The following GRID2 variants were observed in gnomAD, a reference collection of about 807,000 sequenced individuals.
GRID2 encodes glutamate ionotropic receptor delta type subunit 2, also known as glutamate receptor ionotropic, delta-2.
In GRID2, 33 loss-of-function variants were observed where a neutral mutation model predicts 114.8. That is an observed-to-expected ratio of 0.29 (90% CI 0.22 to 0.38). GRID2 has a LOEUF of 0.38. Ranked by LOEUF, GRID2 falls within the 10% of genes least tolerant of loss-of-function variation. The probability of loss-of-function intolerance (pLI) is 1.00; values close to 1 mark genes in which losing one functional copy is unlikely to be tolerated. For missense variants in GRID2, 1,184 were observed against 1,257.7 expected (o/e 0.94, Z 0.89); for synonymous variants, 505 against 449.9 (o/e 1.12, Z -1.55).
chr4:92,771,581 G>T (rs1738549245), intron 2 of GRID2, among the ~76,000 whole-genome samples: 1 of 152,010 alleles, frequency 6.6e-6, no homozygotes, highest in Non-Finnish European at 1.5e-5. Flanking sequence ...CCTTTCAAAT[G>T]GTCTAAGATG....
chr4:93,591,285 A>G (rs1738267591), intron 13 of GRID2, among the ~76,000 whole-genome samples: 1 of 151,850 alleles, frequency 6.6e-6, no homozygotes, highest in South Asian at 2.1e-4. Flanking sequence ...AATTTTGTCA[A>G]AGGCCTTTTC....
At chr4:93,368,855 G>T (rs1231544469) in intron 8 of GRID2, among the ~76,000 whole-genome samples, 1 of 152,142 alleles carries the variant, frequency 6.6e-6, no homozygotes, top group African/African-American at 2.4e-5. Context: ...TTACGAAGTC[G>T]TAGTGAGTTG....
At chr4:93,139,170 A>G (rs1213438361) in intron 4 of GRID2, among the ~76,000 whole-genome samples, 1 of 152,178 alleles carries the variant, frequency 6.6e-6, no homozygotes, top group Non-Finnish European at 1.5e-5. Context: ...TGTTAATGCA[A>G]TTATCTAGGT....
intron 4 of GRID2, among the ~76,000 whole-genome samples, chr4:93,185,635 G>A (rs913653535): frequency 3.3e-5 from 5 of 152,040 alleles, no homozygotes; most frequent in African/African-American, 1.2e-4. Flanking sequence ...ACACTTCAAT[G>A]TAATTTTTAA....
rs892552435 is a variant in GRID2, at chr4:93,773,012, C to T, written c.*514C>T. Reference sequence around the variant, plus strand: ...AGTGTTTATAAAACAATTTTAAGACCATTCAGGCCACATAAGATGAGAATG... The same window carrying T: ...AGTGTTTATAAAACAATTTTAAGACTATTCAGGCCACATAAGATGAGAATG... On this transcript the variant is annotated 3_prime_UTR_variant, in exon 16 of 16. Coordinates refer to ENST00000282020, the MANE Select transcript of GRID2 (RefSeq NM_001510.4). 4 of 152,326 alleles carry T rather than the reference C, an allele frequency of 2.6e-5. No homozygotes were observed. Among genetic ancestry groups the T allele is most frequent in the Non-Finnish European group, 5.9e-5 (4 of 68,228 alleles). 9.4% of individuals were successfully genotyped at this position (152,326 alleles called of 1,614,324 possible). A position where few individuals can be genotyped will look rare whatever the true frequency, so the allele number is the denominator to read the frequency against.
intron 13 of GRID2, among the ~76,000 whole-genome samples, chr4:93,596,243 A>G (rs2149629076): frequency 6.6e-6 from 1 of 152,372 alleles, no homozygotes; most frequent in East Asian, 1.9e-4. Context: ...GGCTATCGCT[A>G]ATAATATTTC....
At chr4:92,956,389 C>T (rs1407037322) in intron 2 of GRID2, among the ~76,000 whole-genome samples, 1 of 152,146 alleles carries the variant, frequency 6.6e-6, no homozygotes. Context: ...CCTTATGTAT[C>T]CCTCCCTATC....
At chr4:93,012,980 T>A (rs1722338761) in intron 2 of GRID2, among the ~76,000 whole-genome samples, 2 of 152,152 alleles carry the variant, frequency 1.3e-5, no homozygotes, top group Admixed American at 1.3e-4. Context: ...CCTTTAATAT[T>A]TAATATACTG....
At position 92,897,486 on chromosome 4, in the gene GRID2, C is replaced by T. The variant is rs1291813398; in HGVS notation, c.245-187509C>T. Among the ~76,000 whole-genome samples, 3 of 151,976 alleles carry T rather than the reference C, an allele frequency of 2.0e-5. No individual in the cohort carries two copies. In the East Asian group the frequency reaches 5.8e-4, roughly 30 times the overall value. On this transcript the variant is annotated intron_variant, in intron 2 of 15. Coordinates refer to ENST00000282020, the MANE Select transcript of GRID2 (RefSeq NM_001510.4). ...TTCATTTTTAAGTCAACATCTATTT[C>T]CCTTTTTTGTCACTCTACTTTCTTT...
chr4:93,302,536 T>C (rs1754985020), intron 8 of GRID2: 1 of 454,788 alleles, frequency 2.2e-6, no homozygotes, highest in Middle Eastern at 3.3e-4. Flanking sequence ...TTAATTTGTG[T>C]AATACACATA....
chr4:93,172,039 A>G (rs755867948), intron 4 of GRID2, among the ~76,000 whole-genome samples: 11 of 152,236 alleles, frequency 7.2e-5, no homozygotes, highest in South Asian at 2.1e-4. Flanking sequence ...TATCTATTTA[A>G]TAACAGAAAT....
chr4:92,764,275 A>G (rs1358212127), intron 2 of GRID2, among the ~76,000 whole-genome samples: 1 of 152,174 alleles, frequency 6.6e-6, no homozygotes, highest in African/African-American at 2.4e-5. Context: ...AAAGAAAAAA[A>G]AAGTCAAAGA....
At chr4:93,130,256 A>G (rs1734677240) in intron 4 of GRID2, among the ~76,000 whole-genome samples, 1 of 152,150 alleles carries the variant, frequency 6.6e-6, no homozygotes, top group Admixed American at 6.6e-5. Context: ...CCTGGGCAAC[A>G]TGATGAGATC....
At chr4:93,521,339 A>G (rs1223956085) in intron 13 of GRID2, among the ~76,000 whole-genome samples, 1 of 152,210 alleles carries the variant, frequency 6.6e-6, no homozygotes, top group Non-Finnish European at 1.5e-5. Context: ...AAAGAAAAAC[A>G]TATAAACACA....
At chr4:92,826,505 G>T (rs1244153396) in intron 2 of GRID2, among the ~76,000 whole-genome samples, 1 of 151,988 alleles carries the variant, frequency 6.6e-6, no homozygotes, top group African/African-American at 2.4e-5. Flanking sequence ...TATTCCCACT[G>T]GAGTGTAAGT....
At chr4:92,670,389 T>A (rs62310171) in intron 2 of GRID2, among the ~76,000 whole-genome samples, 9,238 of 152,076 alleles carry the variant, frequency 0.061, 337 homozygotes, top group East Asian at 0.16. Context: ...TTTTTTAAAC[T>A]GATTTAATGA....
intron 14 of GRID2, among the ~76,000 whole-genome samples, chr4:93,632,222 G>A (rs549232784): frequency 6.6e-6 from 1 of 151,992 alleles, no homozygotes; most frequent in Non-Finnish European, 1.5e-5. Context: ...TTAGTTTAAT[G>A]AGATCCCATT....
At position 92,785,239 on chromosome 4, in the gene GRID2, A is replaced by G. The variant is rs1435248202; in HGVS notation, c.244+194953A>G. Among the ~76,000 whole-genome samples, 8 of 151,630 alleles carry G rather than the reference A, an allele frequency of 5.3e-5. No homozygotes were observed. The East Asian group carries it at 1.6e-3, about 29-fold the overall frequency. ...ACAAACGGATGAAGCTATTTCTATAAAACTGAAGTAGCAATATTAATTACC... is the reference window on the plus strand; with the variant it reads ...ACAAACGGATGAAGCTATTTCTATAGAACTGAAGTAGCAATATTAATTACC... On this transcript the variant is annotated intron_variant, in intron 2 of 15. Transcript: ENST00000282020.
intron 13 of GRID2, among the ~76,000 whole-genome samples, chr4:93,533,078 A>G (rs2149515925): frequency 6.6e-6 from 1 of 152,290 alleles, no homozygotes; most frequent in Admixed American, 6.5e-5. Context: ...TCTATTAGTC[A>G]TCCAGCAATT....
Sources: gnomAD v4.1 joint callset for allele counts (sites outside exome capture counted in the v4.1 genomes callset) on GRCh38, gnomAD v4.1.1 for gene constraint, MANE v1.5 for transcripts, NCBI Gene and HGNC (gene_info 2026-07-23, HGNC 2026-07-21) for gene names.